Variants in NEBL observed in about 807,000 individuals in gnomAD.
NEBL encodes LIM and SH3 protein 2.
In NEBL, 122 loss-of-function variants were observed where a neutral mutation model predicts 140.2. The observed-to-expected ratio is 0.87, with a 90% CI of 0.75 to 1.01. The LOEUF (loss-of-function observed/expected upper bound fraction) is 1.01. NEBL is among the 50% of genes least tolerant of loss of function. NEBL has a pLI of 0.00. For synonymous variants in NEBL, 436 were observed against 398.9 expected, an observed-to-expected ratio of 1.09 and a Z score of -1.11; for missense variants, 1,365 against 1,231.3, an observed-to-expected ratio of 1.11 and a Z score of -1.62.
intron 1 of NEBL, among the ~76,000 whole-genome samples, chr10:21,263,060 C>T (rs1207931279): frequency 6.6e-6 from 1 of 152,114 alleles, no homozygotes; most frequent in Non-Finnish European, 1.5e-5. Flanking sequence ...TGTGGATGCA[C>T]AAGGTGCTGT....
chr10:21,143,473 C>CAAAAAAAAAAAAAA (rs1839745073), intron 2 of NEBL, among the ~76,000 whole-genome samples: 1 of 122,048 alleles, frequency 8.2e-6, no homozygotes. Context: ...AAAAAAAAAT[C>CAAAAAAAAAAAAAA]AAACGTGAAA....
intron 3 of NEBL, among the ~76,000 whole-genome samples, chr10:21,007,624 C>A (rs1838186099): frequency 6.6e-6 from 1 of 152,020 alleles, no homozygotes; most frequent in African/African-American, 2.4e-5. Flanking sequence ...TATTAGTAAC[C>A]ATTAAATTAA....
intron 1 of NEBL, among the ~76,000 whole-genome samples, chr10:21,256,310 C>T (rs1019720443): frequency 2.0e-5 from 3 of 152,020 alleles, no homozygotes; most frequent in Non-Finnish European, 2.9e-5. Context: ...TCAAGTAGTC[C>T]GCCCACCTTG....
In NEBL at chr10:20,822,929, T is replaced by G. The variant is rs74120668; in HGVS notation, c.1962+279A>C. ...CCCAACAATATTTCACCTCTCATCC[T>G]GCTCTCACCCTCCTACCTTTTGGAG... On this transcript the variant is annotated intron_variant, in intron 19 of 27. Transcript: ENST00000377122. Among the ~76,000 whole-genome samples, 5,858 of 152,266 alleles carry G rather than the reference T, an allele frequency of 0.038. 347 individuals carry two copies. Among genetic ancestry groups the G allele is most frequent in the African/African-American group, 0.13 (5,561 of 41,536 alleles).
intron 3 of NEBL, among the ~76,000 whole-genome samples, chr10:20,964,215 A>G (rs572627063): frequency 2.7e-5 from 4 of 150,626 alleles, no homozygotes; most frequent in African/African-American, 9.8e-5. Context: ...CCTGTGATAG[A>G]TCTCGGGAGG....
chr10:20,845,426 A>G (rs1202738605), intron 11 of NEBL, 58 bp from the exon 12 acceptor site: 1 of 1,096,868 alleles, frequency 9.1e-7, no homozygotes, highest in East Asian at 2.4e-5. Flanking sequence ...CATTGAAAAG[A>G]GATTTGAACA....
chr10:21,220,099 G>A (rs12355151), intron 3 of NEBL, among the ~76,000 whole-genome samples: 9,851 of 151,964 alleles, frequency 0.065, 448 homozygotes, highest in South Asian at 0.11. Flanking sequence ...TTTTAGTAGA[G>A]GCAGGATTTC....
intron 2 of NEBL, among the ~76,000 whole-genome samples, chr10:21,068,696 G>C (rs1396800674): frequency 6.6e-6 from 1 of 152,156 alleles, no homozygotes; most frequent in Non-Finnish European, 1.5e-5. Flanking sequence ...AGTTGGTGTT[G>C]AGTTTCTGTC....
chr10:21,067,227 T>C (rs1835606837), intron 2 of NEBL, among the ~76,000 whole-genome samples: 1 of 152,096 alleles, frequency 6.6e-6, no homozygotes, highest in Non-Finnish European at 1.5e-5. Flanking sequence ...CACCTCGGCC[T>C]CCCAAAGTGC....
At chr10:21,152,726 G>T (rs1409874740) in intron 2 of NEBL, among the ~76,000 whole-genome samples, 1 of 152,076 alleles carries the variant, frequency 6.6e-6, no homozygotes, top group Non-Finnish European at 1.5e-5. Flanking sequence ...CTGAATTTAA[G>T]AACCTCAGAA....
intron 1 of NEBL, among the ~76,000 whole-genome samples, chr10:21,255,793 C>T (rs979806618): frequency 2.0e-5 from 3 of 151,916 alleles, no homozygotes; most frequent in Non-Finnish European, 4.4e-5. Flanking sequence ...GTCAGGAGAT[C>T]GAGACCAGCC....
rs201679619 is a variant in NEBL at position 21,000,757 on chromosome 10, A to G, written c.249+19360T>C. 4.6e-5 allele frequency among the ~76,000 whole-genome samples: 7 copies of G among 152,342 alleles called. No homozygotes were observed. In the East Asian group the frequency reaches 1.2e-3, roughly 25 times the overall value. On this transcript the variant is annotated intron_variant, in intron 3 of 6. Transcript: ENST00000417816. Reference sequence around the variant, plus strand: ...AAAAGACTGCAATGGAGCAGATGACATCAGGTAAGATGTCTCTTGTCTTTC... The same window carrying G: ...AAAAGACTGCAATGGAGCAGATGACGTCAGGTAAGATGTCTCTTGTCTTTC...
chr10:21,200,821 T>C (rs1459868405), intron 3 of NEBL, among the ~76,000 whole-genome samples: 1 of 152,092 alleles, frequency 6.6e-6, no homozygotes, highest in Non-Finnish European at 1.5e-5. Flanking sequence ...ATTTAAAAAG[T>C]GGAGGCCAGG....
chr10:20,905,549 A>G (rs1351727936), intron 4 of NEBL, among the ~76,000 whole-genome samples: 2 of 152,114 alleles, frequency 1.3e-5, no homozygotes, highest in Admixed American at 6.5e-5. Flanking sequence ...CCATGATCCA[A>G]TCACCTCCTT....
intron 13 of NEBL, 99 bp from the exon 14 acceptor site, chr10:20,835,722 A>T: frequency 1.2e-6 from 1 of 856,044 alleles, no homozygotes; most frequent in Admixed American, 1.7e-5. Context: ...CATATTTTAC[A>T]AAAGAGGTAA....
chr10:21,125,118 C>T (rs1302294651), intron 2 of NEBL, among the ~76,000 whole-genome samples: 1 of 152,160 alleles, frequency 6.6e-6, no homozygotes, highest in Non-Finnish European at 1.5e-5. Context: ...AAAGAAGAGA[C>T]AGAATTGCTG....
At chr10:20,946,414 T>A (rs1022033097) in intron 4 of NEBL, among the ~76,000 whole-genome samples, 1 of 152,182 alleles carries the variant, frequency 6.6e-6, no homozygotes. Context: ...TTCCATTTCT[T>A]GAGCCAGGAG....
chr10:21,282,852 C>T (rs1057432935), intron 1 of NEBL, among the ~76,000 whole-genome samples: 1 of 152,076 alleles, frequency 6.6e-6, no homozygotes, highest in Non-Finnish European at 1.5e-5. Flanking sequence ...AGGCAGGGCG[C>T]AGTGGCTCAC....
chr10:20,902,492 A>G (rs1847915690), intron 4 of NEBL, among the ~76,000 whole-genome samples: 1 of 152,164 alleles, frequency 6.6e-6, no homozygotes, highest in Non-Finnish European at 1.5e-5. Flanking sequence ...TGAGAGCTAC[A>G]TAGTTAGATG....
Sources: gnomAD v4.1 joint callset for allele counts (sites outside exome capture counted in the v4.1 genomes callset) on GRCh38, gnomAD v4.1.1 for gene constraint, MANE v1.5 for transcripts, NCBI Gene and HGNC (gene_info 2026-07-23, HGNC 2026-07-21) for gene names.